The following ABCC9 variants were observed in gnomAD, a reference collection of about 807,000 sequenced individuals.
The protein encoded by ABCC9 is ATP-binding cassette sub-family C member 9.
A neutral mutation model predicts 188.3 loss-of-function variants in ABCC9; 95 were observed. The observed-to-expected ratio is 0.50, with a 90% confidence interval of 0.43 to 0.60. The LOEUF (loss-of-function observed/expected upper bound fraction) is 0.60. Among genes scored for constraint, ABCC9 ranks in the 20% least tolerant of loss-of-function variants. The pLI, the probability that ABCC9 is intolerant of heterozygous loss-of-function variation, is 0.00. For missense variants in ABCC9, 1,102 were observed against 1,876.3 expected (o/e 0.59, Z 7.62); for synonymous variants, 659 against 652.7 (o/e 1.01, Z -0.15).
In ABCC9 at chr12:21,882,781, C is replaced by T. The variant is rs751485829; in HGVS notation, c.2004G>A (p.Glu668=). ...TAAAAATAACCTTTATTGCAATGTC[C>T]TCTGTTTCTGCGGGACGTAGACGCC... The part of the protein sequence containing the change: ...STRRLRPAET[E]DIAIKVTNGY... Residue 668 remains glutamate, a synonymous_variant, in exon 16 of 40, where the codon GAG becomes GAA. Transcript: ENST00000261200. The T allele has an allele frequency of 1.9e-6, 3 of 1,611,702 alleles. No homozygotes were observed. The African/African-American group carries it at 4.0e-5, about 22-fold the overall frequency.
rs570681458 is a variant in ABCC9 at position 21,844,476 on chromosome 12, T to A, written c.3315+7A>T. ...TTTTTGAACTTGGAAGTAACCCAGT[T>A]ACTCACCTGATCAATGATATTAGTA... is the stretch of plus-strand genomic sequence containing the variant. On this transcript the variant is annotated splice_region_variant and intron_variant, in intron 28 of 39. Transcript: ENST00000261200. 9 of 1,611,504 alleles carry A rather than the reference T, an allele frequency of 5.6e-6. No homozygotes were observed. The South Asian group carries it at 8.8e-5, about 16-fold the overall frequency.
chr12:21,925,893 A>T, intron 5 of ABCC9, 49 bp downstream of exon 5: 1 of 1,577,240 alleles, frequency 6.3e-7, no homozygotes, highest in Non-Finnish European at 8.7e-7. Flanking sequence ...CTTTGGGGGG[A>T]AAAACAAATA....
At chr12:21,858,780 G>A (rs951073019) in intron 22 of ABCC9, among the ~76,000 whole-genome samples, 2 of 152,094 alleles carry the variant, frequency 1.3e-5, no homozygotes, top group Non-Finnish European at 2.9e-5. Flanking sequence ...ACTTTTTCAA[G>A]AGGCTCTAGA....
chr12:21,804,211 T>C (rs1323239121), intron 39 of ABCC9, among the ~76,000 whole-genome samples: 2 of 152,186 alleles, frequency 1.3e-5, no homozygotes, highest in Non-Finnish European at 2.9e-5. Flanking sequence ...TATAGAAAAG[T>C]ATTCAGTGAA....
intron 24 of ABCC9, 83 bp from the exon 25 acceptor site, chr12:21,848,329 G>A (rs767539696): frequency 3.3e-6 from 4 of 1,230,670 alleles, no homozygotes; most frequent in East Asian, 2.4e-5. Flanking sequence ...ACGTGTAAAT[G>A]GTTAGTTACC....
intron 5 of ABCC9, among the ~76,000 whole-genome samples, chr12:21,921,287 C>T (rs560791981): frequency 5.9e-5 from 9 of 152,144 alleles, no homozygotes; most frequent in African/African-American, 1.9e-4. Context: ...GATGATATCT[C>T]ATTGTAGTTT....
intron 31 of ABCC9, among the ~76,000 whole-genome samples, chr12:21,828,193 C>A (rs1297360610): frequency 6.6e-6 from 1 of 152,218 alleles, no homozygotes; most frequent in African/African-American, 2.4e-5. Context: ...ATCGCACAGA[C>A]TACAAACTAT....
chr12:21,815,699 G>A lies in ABCC9; in HGVS notation c.4023+64C>T, dbSNP rs189240460. 33 of 1,593,896 alleles carry A rather than the reference G, an allele frequency of 2.1e-5. No homozygotes were observed. In the East Asian group the frequency reaches 5.4e-4, roughly 26 times the overall value. ...CTGGGAAGTATGAAGAGCTTAGGTA[G>A]TAAAAAAGCAGACTCCCTCAGAGGT... is the stretch of plus-strand genomic sequence containing the variant. On this transcript the variant is annotated intron_variant, in intron 34 of 39. Coordinates refer to ENST00000261200, the MANE Select transcript of ABCC9 (RefSeq NM_020297.4).
At chr12:21,805,947 T>C (rs767859961) in intron 39 of ABCC9, 51 bp downstream of exon 39, 2 of 1,538,652 alleles carry the variant, frequency 1.3e-6, no homozygotes, top group Non-Finnish European at 1.8e-6. Flanking sequence ...GATGATAACA[T>C]GTTAGAACAA....
In ABCC9 at chr12:21,809,909, C is replaced by T; in HGVS notation, c.4258G>A (p.Glu1420Lys). 6.2e-7 allele frequency: 1 copy of T among 1,612,636 alleles called. No individual in the cohort carries two copies. ...TTCAGCTGAGCAATTTCTAAGGCTT[C>T]CCAGAGTCTGTCATCTGTGCATTTG... ...ECKCTDDRLWEALEIAQLKNM... is the reference protein window; with the variant it reads ...ECKCTDDRLWKALEIAQLKNM... The change falls in exon 37 of 40, where the codon GAA becomes AAA. Residue 1420 changes from glutamate (E) to lysine (K), a missense_variant. Coordinates refer to ENST00000261200, the MANE Select transcript of ABCC9 (RefSeq NM_020297.4).
At chr12:21,849,030 C>T (rs1360608557) in intron 24 of ABCC9, among the ~76,000 whole-genome samples, 1 of 152,124 alleles carries the variant, frequency 6.6e-6, no homozygotes, top group Non-Finnish European at 1.5e-5. Context: ...AGTTCAGTTA[C>T]ATTGTGGGTT....
chr12:21,848,116 T>G (rs756275216), intron 25 of ABCC9, 34 bp downstream of exon 25: 1 of 1,583,886 alleles, frequency 6.3e-7, no homozygotes, highest in Non-Finnish European at 8.7e-7. Flanking sequence ...TGTTATCCCA[T>G]TAGAATGTTC....
chr12:21,848,221 A>C lies in ABCC9; in HGVS notation c.2795T>G (p.Leu932Ter), dbSNP rs1469919677. The C allele has an allele frequency of 2.5e-6, 4 of 1,613,462 alleles. No homozygotes were observed. The highest frequency in any genetic ancestry group is 3.4e-6 in the Non-Finnish European group (4 of 1,179,558). Residue 932 changes from leucine to a stop codon, truncating the protein, a stop_gained, in exon 25 of 40, where the codon TTA becomes TGA. Coordinates refer to ENST00000261200, the MANE Select transcript of ABCC9 (RefSeq NM_020297.4). LOFTEE classifies it high-confidence loss of function. The part of the protein sequence containing the change: ...EKDMEADQTT[L>*]ERKTLRRAMY... ...GGCCCGTCGGAGAGTTTTCCTCTCT[A>C]AAGTAGTTTGGTCAGCTTCCATATC...
chr12:21,877,476 T>C (rs1440749398), intron 16 of ABCC9, among the ~76,000 whole-genome samples: 1 of 152,076 alleles, frequency 6.6e-6, no homozygotes, highest in African/African-American at 2.4e-5. Flanking sequence ...GGGGCAGAGG[T>C]GGCTGGGGCT....
At chr12:21,828,557 CATG>C (rs1207681076) in intron 31 of ABCC9, 1 of 282,864 alleles carries the variant, frequency 3.5e-6, no homozygotes, top group African/African-American at 2.2e-5. Context: ...TTTGCACTAA[CATG>C]ACCCTCCACT....
intron 30 of ABCC9, among the ~76,000 whole-genome samples, chr12:21,830,769 G>A (rs570522017): frequency 5.9e-5 from 9 of 152,270 alleles, no homozygotes; most frequent in African/African-American, 1.9e-4. Context: ...CTCACATTGA[G>A]TTGAGTATCC....
rs561703419 is a variant in ABCC9 at position 21,844,251 on chromosome 12, T to C, written c.3315+232A>G. 7.9e-5 allele frequency among the ~76,000 whole-genome samples: 12 copies of C among 152,328 alleles called. No individual in the cohort carries two copies. In the South Asian group the frequency reaches 2.5e-3, roughly 32 times the overall value. On this transcript the variant is annotated intron_variant, in intron 28 of 39. Coordinates refer to ENST00000261200, the MANE Select transcript of ABCC9 (RefSeq NM_020297.4). Reference sequence around the variant, plus strand: ...AAATGTTCAATCATTCTTTACTTCATGATGGTTCTCCAAGTATCTTCTTCT... The same window carrying C: ...AAATGTTCAATCATTCTTTACTTCACGATGGTTCTCCAAGTATCTTCTTCT...
chr12:21,908,107 T>A lies in ABCC9; in HGVS notation c.1425A>T (p.Thr475=). ...LLAPIQYFIA[T]KLAEAQKSTL... is the part of the protein sequence containing the mutation. ...TACTTTTCTGAGCCTCTGCCAACTT[T>A]GTAGCAATAAAGTACTGAATTGGCG... is the stretch of plus-strand genomic sequence containing the variant. The change falls in exon 11 of 40, where the codon ACA becomes ACT. Residue 475 remains threonine (T), a synonymous_variant. Coordinates refer to ENST00000261200, the MANE Select transcript of ABCC9 (RefSeq NM_020297.4). 1.2e-6 allele frequency: 2 copies of A among 1,612,548 alleles called. No individual in the cohort carries two copies. Among genetic ancestry groups the A allele is most frequent in the Non-Finnish European group, 1.7e-6 (2 of 1,178,964 alleles).
intron 12 of ABCC9, among the ~76,000 whole-genome samples, chr12:21,900,962 A>T (rs1947714552): frequency 6.6e-6 from 1 of 152,182 alleles, no homozygotes. Flanking sequence ...AACGCCACAA[A>T]GATAATCCTC....
Sources: gnomAD v4.1 joint callset for allele counts (sites outside exome capture counted in the v4.1 genomes callset) on GRCh38, gnomAD v4.1.1 for gene constraint, MANE v1.5 for transcripts, NCBI Gene and HGNC (gene_info 2026-07-23, HGNC 2026-07-21) for gene names.